Variants in RABGAP1L observed in about 807,000 individuals in gnomAD.
RABGAP1L encodes RAB GTPase activating protein 1 like, also known as rab GTPase-activating protein 1-like.
RABGAP1L carries 63 observed loss-of-function variants against 137.7 expected under a neutral mutation model. The observed-to-expected ratio is 0.46, with a 90% CI of 0.37 to 0.56. The LOEUF (loss-of-function observed/expected upper bound fraction) is 0.56. Ranked by LOEUF, RABGAP1L falls within the 20% of genes least tolerant of loss-of-function variation. RABGAP1L has a pLI of 0.00. For synonymous variants in RABGAP1L, 431 were observed against 433.7 expected (o/e 0.99, Z 0.08); for missense variants, 1,095 against 1,244.0 (o/e 0.88, Z 1.80).
chr1:174,803,423 C>T (rs1688945912), intron 18 of RABGAP1L, among the ~76,000 whole-genome samples: 1 of 152,144 alleles, frequency 6.6e-6, no homozygotes, highest in African/African-American at 2.4e-5. Context: ...AATACTGAAA[C>T]AGGAGATGCA....
chr1:174,625,195 C>T (rs72715266), intron 13 of RABGAP1L, among the ~76,000 whole-genome samples: 2,518 of 152,086 alleles, frequency 0.017, 36 homozygotes, highest in Non-Finnish European at 0.025. Flanking sequence ...TTTTATATTA[C>T]TTTTTACTAA....
chr1:174,702,357 CA>C, intron 17 of RABGAP1L, 101 bp downstream of exon 17: 1 of 954,816 alleles, frequency 1.0e-6, no homozygotes, highest in Non-Finnish European at 1.5e-6. Context: ...GACATTAAGC[CA>C]TAAATACTCA....
intron 1 of RABGAP1L, among the ~76,000 whole-genome samples, chr1:174,168,207 G>T (rs1665059661): frequency 6.9e-6 from 1 of 144,514 alleles, no homozygotes; most frequent in African/African-American, 2.6e-5. Flanking sequence ...GGAGGTTGCA[G>T]TGAGCCAAGA....
At chr1:174,540,881 G>T (rs1158329018) in intron 13 of RABGAP1L, among the ~76,000 whole-genome samples, 1 of 152,098 alleles carries the variant, frequency 6.6e-6, no homozygotes, top group East Asian at 1.9e-4. Flanking sequence ...AAATTACCTT[G>T]GGCAATATGG....
At chr1:174,494,734 A>G (rs774879859) in intron 13 of RABGAP1L, among the ~76,000 whole-genome samples, 4 of 152,194 alleles carry the variant, frequency 2.6e-5, no homozygotes, top group Middle Eastern at 3.4e-3. Flanking sequence ...CTCCGACTCT[A>G]CCTTTCACTG....
intron 13 of RABGAP1L, among the ~76,000 whole-genome samples, chr1:174,525,720 G>C (rs1663816460): frequency 6.6e-6 from 1 of 151,966 alleles, no homozygotes; most frequent in Admixed American, 6.6e-5. Flanking sequence ...TCATTTTGTA[G>C]AGGAAAGGCT....
At chr1:174,543,164 T>A (rs1572247617) in intron 13 of RABGAP1L, among the ~76,000 whole-genome samples, 1 of 152,318 alleles carries the variant, frequency 6.6e-6, no homozygotes, top group Middle Eastern at 3.4e-3. Context: ...ACTTTCTGTC[T>A]CATTGATCTG....
intron 1 of RABGAP1L, among the ~76,000 whole-genome samples, chr1:174,175,691 T>G (rs1253730312): frequency 1.3e-5 from 2 of 149,996 alleles, no homozygotes; most frequent in African/African-American, 4.9e-5. Flanking sequence ...AATGGTGCGA[T>G]CTCAGCTTAC....
intron 19 of RABGAP1L, among the ~76,000 whole-genome samples, chr1:174,884,450 A>G (rs971253717): frequency 6.6e-6 from 1 of 152,240 alleles, no homozygotes; most frequent in South Asian, 2.1e-4. Flanking sequence ...TAGAATAAAC[A>G]TAACAATTAA....
intron 13 of RABGAP1L, among the ~76,000 whole-genome samples, chr1:174,550,983 C>CATATATATATACATAT (rs1422356201): frequency 0.13 from 11,174 of 83,180 alleles, 1,011 homozygotes; most frequent in Non-Finnish European, 0.15. Context: ...TGTATATATA[C>CATATATATATACATAT]ATATATATAT....
intron 25 of RABGAP1L, 69 bp downstream of exon 25, chr1:174,988,907 C>G (rs1671836253): frequency 3.0e-6 from 4 of 1,347,868 alleles, no homozygotes; most frequent in Non-Finnish European, 4.0e-6. Flanking sequence ...TCTAGTACTT[C>G]AGAATACACC....
intron 13 of RABGAP1L, among the ~76,000 whole-genome samples, chr1:174,436,293 T>G (rs566728070): frequency 7.2e-5 from 11 of 152,308 alleles, no homozygotes; most frequent in Admixed American, 1.3e-4. Flanking sequence ...GTGTCCTGTT[T>G]CTCCACATCC....
intron 11 of RABGAP1L, among the ~76,000 whole-genome samples, chr1:174,322,800 T>C (rs1680113773): frequency 6.6e-6 from 1 of 152,068 alleles, no homozygotes; most frequent in Admixed American, 6.6e-5. Flanking sequence ...GCAGGAGATT[T>C]TGGGGGCAGA....
At chr1:174,783,452 C>T (rs186734642) in intron 18 of RABGAP1L, among the ~76,000 whole-genome samples, 4 of 152,182 alleles carry the variant, frequency 2.6e-5, no homozygotes, top group East Asian at 1.9e-4. Context: ...CTGCCCCCGC[C>T]GCCCGTAACA....
At chr1:174,328,006 T>TACATAC (rs1255481390) in intron 11 of RABGAP1L, among the ~76,000 whole-genome samples, 1 of 134,584 alleles carries the variant, frequency 7.4e-6, no homozygotes, top group African/African-American at 3.1e-5. Flanking sequence ...TATATATATA[T>TACATAC]ATATATATAT....
At chr1:174,423,098 T>C (rs1651534119) in intron 13 of RABGAP1L, among the ~76,000 whole-genome samples, 1 of 152,152 alleles carries the variant, frequency 6.6e-6, no homozygotes, top group Non-Finnish European at 1.5e-5. Context: ...CAGTATTCAT[T>C]ATCAGTGTAT....
intron 18 of RABGAP1L, among the ~76,000 whole-genome samples, chr1:174,786,418 A>T (rs927680211): frequency 1.3e-5 from 2 of 152,192 alleles, no homozygotes; most frequent in Non-Finnish European, 2.9e-5. Flanking sequence ...GTTTTATTTG[A>T]CACTCTCCTC....
chr1:174,807,926 C>A (rs1689468561), intron 18 of RABGAP1L, among the ~76,000 whole-genome samples: 1 of 150,218 alleles, frequency 6.7e-6, no homozygotes, highest in Admixed American at 6.8e-5. Flanking sequence ...GCGAGACCCC[C>A]ATCTCTACCA....
intron 14 of RABGAP1L, among the ~76,000 whole-genome samples, chr1:174,671,965 G>A (rs1349343976): frequency 6.6e-6 from 1 of 152,040 alleles, no homozygotes; most frequent in African/African-American, 2.4e-5. Context: ...TTGTTGATAG[G>A]AGACTTTTTA....
Sources: gnomAD v4.1 joint callset for allele counts (sites outside exome capture counted in the v4.1 genomes callset) on GRCh38, gnomAD v4.1.1 for gene constraint, MANE v1.5 for transcripts, NCBI Gene and HGNC (gene_info 2026-07-23, HGNC 2026-07-21) for gene names.